Variants in ADRA1B observed in about 807,000 individuals in gnomAD.
The protein encoded by ADRA1B is alpha-1B adrenergic receptor.
ADRA1B carries 17 observed loss-of-function variants against 17.9 expected under a neutral mutation model. That is an observed-to-expected ratio of 0.95 (90% confidence interval 0.65 to 1.42). The LOEUF is 1.42. Among genes scored for constraint, ADRA1B ranks in the 40% most tolerant of loss-of-function variants. The pLI is 0.00. For missense variants in ADRA1B, 681 were observed against 722.1 expected (o/e 0.94, Z 0.65); for synonymous variants, 366 against 327.6 (o/e 1.12, Z -1.27).
intron 1 of ADRA1B, among the ~76,000 whole-genome samples, chr5:159,874,090 A>G (rs1753778279): frequency 6.6e-6 from 1 of 152,102 alleles, no homozygotes; most frequent in Non-Finnish European, 1.5e-5. Context: ...TCTTCTCTCT[A>G]GAGGTAACTA....
At chr5:159,960,439 C>T (rs1221365616) in intron 1 of ADRA1B, among the ~76,000 whole-genome samples, 1 of 152,244 alleles carries the variant, frequency 6.6e-6, no homozygotes. Flanking sequence ...GCTCTCAGCC[C>T]AGCCTGTGCT....
intron 1 of ADRA1B, among the ~76,000 whole-genome samples, chr5:159,928,291 C>T (rs1754715281): frequency 6.6e-6 from 1 of 152,176 alleles, no homozygotes; most frequent in Non-Finnish European, 1.5e-5. Context: ...CCTGGCATGA[C>T]AGCACCATGA....
intron 1 of ADRA1B, 22 bp from the exon 2 acceptor site, chr5:159,971,857 C>CGGGGGGG: frequency 2.5e-5 from 8 of 317,792 alleles, no homozygotes; most frequent in Non-Finnish European, 4.6e-5. Context: ...TCTGCCCGTG[C>CGGGGGGG]CCACCCCCCT....
At chr5:159,908,648 T>A (rs1754192805) in intron 1 of ADRA1B, among the ~76,000 whole-genome samples, 1 of 152,212 alleles carries the variant, frequency 6.6e-6, no homozygotes, top group Non-Finnish European at 1.5e-5. Flanking sequence ...CTTTATAGAC[T>A]ATCCAGCTTC....
chr5:159,886,731 C>A (rs183880953), intron 1 of ADRA1B, among the ~76,000 whole-genome samples: 2 of 151,988 alleles, frequency 1.3e-5, no homozygotes, highest in Non-Finnish European at 2.9e-5. Context: ...TCTTACATTG[C>A]GGAGTGTTGT....
upstream of ADRA1B, chr5:159,916,025 C>G (rs1336837806): frequency 6.6e-6 from 1 of 152,252 alleles, no homozygotes; most frequent in Non-Finnish European, 1.5e-5. Flanking sequence ...TTGCACGGGG[C>G]GAGGGGAGCC....
intron 1 of ADRA1B, chr5:159,950,456 C>G (rs1755402988): frequency 9.0e-7 from 1 of 1,106,784 alleles, no homozygotes; most frequent in Admixed American, 1.7e-5. Flanking sequence ...TTCTCGCTTC[C>G]TCTCATGCTC....
chr5:159,982,611 C>T, the ADRA1B span, among the ~76,000 whole-genome samples: 8 of 152,106 alleles, frequency 5.3e-5, no homozygotes, highest in African/African-American at 1.9e-4. Context: ...ATGCAGCCAA[C>T]CAACCTTGTT....
chr5:159,963,555 G>T (rs946584103), intron 1 of ADRA1B, among the ~76,000 whole-genome samples: 1 of 152,180 alleles, frequency 6.6e-6, no homozygotes, highest in African/African-American at 2.4e-5. Flanking sequence ...TATGAATGGT[G>T]CCTTCTAGAG....
At chr5:159,957,046 A>AT (rs1755567812) in intron 1 of ADRA1B, among the ~76,000 whole-genome samples, 1 of 151,884 alleles carries the variant, frequency 6.6e-6, no homozygotes, top group African/African-American at 2.4e-5. Context: ...GTAATTTTGT[A>AT]TTTTTAGTAG....
At position 159,917,126 on chromosome 5, in the gene ADRA1B, G is replaced by A; in HGVS notation, c.221G>A (p.Arg74Gln). The change falls in exon 1 of 2, where the codon CGG (arginine) becomes CAG (glutamine). Residue 74 changes from arginine (R) to glutamine (Q), a missense_variant. Physicochemically the swap from Arg to Gln is conservative, Grantham distance 43 (BLOSUM62 1). Around this residue, in one of 3 missense-constraint regions of ADRA1B, gnomAD observed 424 missense variants for 480.2 expected, o/e 0.88. Transcript: ENST00000306675. The part of the protein sequence containing the change: ...ILVILSVACN[R>Q]HLRTPTNYFI... ...GTCATCTTGTCTGTGGCCTGCAACC[G>A]GCACCTGCGGACGCCCACCAACTAC... 1.9e-6 allele frequency: 3 copies of A among 1,614,028 alleles called. No individual in the cohort carries two copies. Among genetic ancestry groups the A allele is most frequent in the Non-Finnish European group, 1.7e-6 (2 of 1,179,992 alleles).
intron 1 of ADRA1B, among the ~76,000 whole-genome samples, chr5:159,934,963 G>A (rs903791979): frequency 6.6e-6 from 1 of 152,128 alleles, no homozygotes; most frequent in Non-Finnish European, 1.5e-5. Context: ...AACAAGAAAC[G>A]GATGAAAGGG....
chr5:159,919,572 A>T (rs747393303), intron 1 of ADRA1B, among the ~76,000 whole-genome samples: 1 of 152,248 alleles, frequency 6.6e-6, no homozygotes, highest in Non-Finnish European at 1.5e-5. Context: ...GCTCAATGAA[A>T]GTTAGCTATG....
chr5:159,904,404 T>G (rs1754137419), intron 1 of ADRA1B, among the ~76,000 whole-genome samples: 1 of 152,228 alleles, frequency 6.6e-6, no homozygotes, highest in African/African-American at 2.4e-5. Flanking sequence ...CTAGGAGACC[T>G]GCTTTAATTC....
rs192611946 is a variant in ADRA1B, at chr5:159,918,341, G to A, written c.949+487G>A. ...TTTCCAGGGCTAGAGCAGAAGCCAC[G>A]CTTCTCAAGAGCTTTGCAGAGGCTG... On this transcript the variant is annotated intron_variant, in intron 1 of 1. Transcript: ENST00000306675. 1.5e-3 allele frequency among the ~76,000 whole-genome samples: 233 copies of A among 152,300 alleles called. 3 individuals are homozygous for A. Among genetic ancestry groups the A allele is most frequent in the African/African-American group, 5.2e-3 (218 of 41,566 alleles).
intron 1 of ADRA1B, among the ~76,000 whole-genome samples, chr5:159,876,225 A>G (rs980369353): frequency 6.6e-6 from 1 of 152,200 alleles, no homozygotes; most frequent in Non-Finnish European, 1.5e-5. Context: ...GACTTTTATT[A>G]CTTCATTTTA....
At chr5:159,982,930 C>T in the ADRA1B span, among the ~76,000 whole-genome samples, 2 of 152,150 alleles carry the variant, frequency 1.3e-5, no homozygotes, top group Non-Finnish European at 2.9e-5. Flanking sequence ...AGTCCCTATC[C>T]GAAGGCAGTT....
intron 1 of ADRA1B, among the ~76,000 whole-genome samples, chr5:159,954,458 C>G (rs1301593100): frequency 2.0e-5 from 3 of 152,176 alleles, no homozygotes; most frequent in African/African-American, 7.2e-5. Context: ...AAGGCCCCAC[C>G]TCCTGATACC....
the ADRA1B span, among the ~76,000 whole-genome samples, chr5:159,983,095 G>T: frequency 6.6e-6 from 1 of 152,128 alleles, no homozygotes; most frequent in South Asian, 2.1e-4. Flanking sequence ...CAGAATTCAG[G>T]GTTGAAAGTA....
Sources: allele counts gnomAD v4.1 joint callset (sites outside exome capture counted in the v4.1 genomes callset), GRCh38; gene constraint gnomAD v4.1.1; regional missense constraint gnomAD v4.1.1; transcripts MANE v1.5; gene names NCBI Gene and HGNC (gene_info 2026-07-23, HGNC 2026-07-21).